PYHIN1: variants seen among roughly 807,000 people sequenced by gnomAD.
PYHIN1 encodes the protein pyrin and HIN domain-containing protein 1.
A neutral mutation model predicts 43.7 loss-of-function variants in PYHIN1; 32 were observed. The observed-to-expected ratio is 0.73, with a 90% CI of 0.55 to 0.98. The LOEUF (loss-of-function observed/expected upper bound fraction) is 0.98. Among genes scored for constraint, PYHIN1 ranks in the 50% least tolerant of loss-of-function variants. PYHIN1 has a pLI of 0.00. For synonymous variants in PYHIN1, 205 were observed against 203.1 expected, an observed-to-expected ratio of 1.01 and a Z score of -0.08; for missense variants, 588 against 589.5, an observed-to-expected ratio of 1.00 and a Z score of 0.03.
chr1:158,978,516 G>C (rs1651373702), downstream of PYHIN1, among the ~76,000 whole-genome samples: 1 of 152,050 alleles, frequency 6.6e-6, no homozygotes, highest in Non-Finnish European at 1.5e-5. Flanking sequence ...TGGACACTGA[G>C]AAAATAACTG....
intron 7 of PYHIN1, among the ~76,000 whole-genome samples, chr1:158,957,826 A>C (rs1288245317): frequency 2.7e-5 from 4 of 148,180 alleles, no homozygotes; most frequent in African/African-American, 1.0e-4. Flanking sequence ...GCAACCTACA[A>C]AATGGGAGAA....
Position 158,973,548 on chromosome 1 carries a change from T to C in PYHIN1, c.1360-99T>C, listed in dbSNP as rs182091669. ...ACACACACACACACATATACACACA[T>C]GTATTACATCCAACTTATATAGGAA... On this transcript the variant is annotated intron_variant, in intron 7 of 8. Transcript: ENST00000368140. 998 of 1,163,032 alleles carry C rather than the reference T, an allele frequency of 8.6e-4. 17 individuals carry two copies. The African/African-American group carries it at 0.014, about 17-fold the overall frequency. The allele number at this position is 1,163,032 out of a possible 1,614,324, so 72.0% of individuals were successfully genotyped here.
At chr1:158,988,494 A>C in the PYHIN1 span, among the ~76,000 whole-genome samples, 7 of 152,324 alleles carry the variant, frequency 4.6e-5, no homozygotes, top group South Asian at 6.2e-4. Flanking sequence ...CATCAACATC[A>C]TCAACAGAAT....
rs1177477865 is a variant in PYHIN1, at chr1:158,975,280, T to C, written c.*6-1421T>C. ...AATTTGTATAAATTTTTCTATGCTT[T>C]TGGATTTAAAGTCAAAAGCAGACCA... On this transcript the variant is annotated intron_variant, in intron 8 of 8. Transcript: ENST00000368140. Among the ~76,000 whole-genome samples, 10 of 152,200 alleles carry C rather than the reference T, an allele frequency of 6.6e-5. No homozygotes were observed. The East Asian group carries it at 1.5e-3, about 23-fold the overall frequency.
At chr1:158,970,485 C>G (rs904295853) in intron 7 of PYHIN1, among the ~76,000 whole-genome samples, 1 of 151,970 alleles carries the variant, frequency 6.6e-6, no homozygotes, top group Non-Finnish European at 1.5e-5. Flanking sequence ...CACATCCCCT[C>G]TACGTCCAAT....
intron 7 of PYHIN1, among the ~76,000 whole-genome samples, chr1:158,970,706 A>G (rs927417058): frequency 1.3e-5 from 1 of 75,064 alleles, no homozygotes; most frequent in Non-Finnish European, 3.1e-5. Flanking sequence ...AGCATAAAAT[A>G]TCTGTGAATA....
chr1:158,948,020 AAAT>A (rs1649320302), intron 7 of PYHIN1, among the ~76,000 whole-genome samples: 2 of 152,194 alleles, frequency 1.3e-5, no homozygotes, highest in Admixed American at 6.5e-5. Flanking sequence ...CTTCATCTTA[AAAT>A]TTTTCCACCA....
chr1:158,944,700 A>G (rs771001391), intron 6 of PYHIN1, among the ~76,000 whole-genome samples, 175 bp from the exon 7 acceptor site: 12 of 152,224 alleles, frequency 7.9e-5, no homozygotes, highest in Non-Finnish European at 1.5e-4. Context: ...ATCATTTTAC[A>G]TTTTAGCAAA....
At chr1:158,981,074 C>T (rs896508270), downstream of PYHIN1, among the ~76,000 whole-genome samples, 2 of 152,110 alleles carry the variant, frequency 1.3e-5, no homozygotes, top group Non-Finnish European at 2.9e-5. Flanking sequence ...GAGTCAGGTT[C>T]CCCCAGTAAT....
At chr1:158,987,921 G>T in the PYHIN1 span, among the ~76,000 whole-genome samples, 1 of 152,142 alleles carries the variant, frequency 6.6e-6, no homozygotes, top group Non-Finnish European at 1.5e-5. Context: ...TATAAAAAGG[G>T]AAAATTTGAA....
intron 7 of PYHIN1, among the ~76,000 whole-genome samples, chr1:158,963,575 G>T (rs1306062987): frequency 6.6e-6 from 1 of 152,346 alleles, no homozygotes; most frequent in East Asian, 1.9e-4. Flanking sequence ...GAGGGAGCAT[G>T]CCCTGCATAT....
intron 7 of PYHIN1, among the ~76,000 whole-genome samples, chr1:158,953,889 T>A (rs1255738299): frequency 7.0e-6 from 1 of 142,146 alleles, no homozygotes; most frequent in Non-Finnish European, 1.5e-5. Flanking sequence ...GAATAACCAA[T>A]ACAGAGAAGT....
chr1:158,973,536 CAT>C lies in PYHIN1; in HGVS notation c.1360-107_1360-106del, dbSNP rs1185458009. On this transcript the variant is annotated intron_variant, in intron 7 of 8. Transcript: ENST00000368140. ...ACACACACACACACACACACACACA[CAT>C]ATACACACATGTATTACATCCAACT... The C allele has an allele frequency of 5.8e-4, 584 of 1,014,110 alleles. 5 individuals carry two copies. The African/African-American group carries it at 6.6e-3, about 11-fold the overall frequency. The allele number at this position is 1,014,110 out of a possible 1,614,324, so 62.8% of individuals were successfully genotyped here.
intron 2 of PYHIN1, among the ~76,000 whole-genome samples, chr1:158,937,775 C>T (rs1422246577): frequency 3.3e-5 from 5 of 151,964 alleles, no homozygotes; most frequent in African/African-American, 1.2e-4. Context: ...TGAAACCCGT[C>T]TCTACTAAAA....
chr1:158,956,814 G>T (rs1182506607), intron 7 of PYHIN1, among the ~76,000 whole-genome samples: 1 of 143,364 alleles, frequency 7.0e-6, no homozygotes, highest in Non-Finnish European at 1.5e-5. Context: ...AAGTCAAATT[G>T]TCCCTGTTTG....
rs1227059512 is a variant in PYHIN1, at chr1:158,939,353, C to G, written c.579+106C>G. The G allele has an allele frequency of 1.9e-6, 3 of 1,594,810 alleles. No homozygotes were observed. In the African/African-American group the frequency reaches 4.0e-5, roughly 21 times the overall value. On this transcript the variant is annotated intron_variant, in intron 4 of 8. Transcript: ENST00000368140. ...TGACATCAATCATCAGCCAGTAAAT[C>G]AAATGTATAGACTGAGAATTCACTG... is the stretch of plus-strand genomic sequence containing the variant.
intron 7 of PYHIN1, among the ~76,000 whole-genome samples, chr1:158,959,270 G>A (rs551381401): frequency 2.8e-4 from 42 of 152,274 alleles, no homozygotes; most frequent in Admixed American, 4.6e-4. Flanking sequence ...CAAGGAAGGT[G>A]CTGTAAAGAG....
chr1:158,939,873 T>C, intron 4 of PYHIN1: 1 of 237,270 alleles, frequency 4.2e-6, no homozygotes, highest in Non-Finnish European at 8.2e-6. Context: ...TGGACCACTG[T>C]AAACGAGGGC....
chr1:158,958,561 T>A (rs1164359487), intron 7 of PYHIN1, among the ~76,000 whole-genome samples: 2 of 130,222 alleles, frequency 1.5e-5, no homozygotes, highest in African/African-American at 5.9e-5. Context: ...AACAATGAGA[T>A]CACATGGACA....
Sources: allele counts gnomAD v4.1 joint callset (sites outside exome capture counted in the v4.1 genomes callset), GRCh38; gene constraint gnomAD v4.1.1; transcripts MANE v1.5; gene names NCBI Gene and HGNC (gene_info 2026-07-23, HGNC 2026-07-21).